MRPL39: variants seen among roughly 807,000 people sequenced by gnomAD.
MRPL39 encodes mitochondrial ribosomal protein L39, also known as large ribosomal subunit protein mL39.
MRPL39 carries 35 observed loss-of-function variants against 44.5 expected under a neutral mutation model. The ratio of observed to expected loss-of-function variants is 0.79; its 90% confidence interval spans 0.60 to 1.04. MRPL39 has a LOEUF of 1.04. MRPL39 is among the 50% of genes least tolerant of loss of function. MRPL39 has a pLI of 0.00. For missense variants in MRPL39, 433 were observed against 413.5 expected (o/e 1.05, Z -0.41); for synonymous variants, 139 against 136.1 (o/e 1.02, Z -0.15).
Position 25,603,786 on chromosome 21 carries a change from A to G in MRPL39, c.420+10T>C. On this transcript the variant is annotated intron_variant, in intron 3 of 9. Coordinates refer to ENST00000352957, the MANE Select transcript of MRPL39 (RefSeq NM_017446.4). ...GGGGAAATAGAAAAAGAATGTAGAGATAGAAATACCTTATTCACTTCTCCT... is the reference window on the plus strand; with the variant it reads ...GGGGAAATAGAAAAAGAATGTAGAGGTAGAAATACCTTATTCACTTCTCCT... The G allele has an allele frequency of 6.3e-7, 1 of 1,595,546 alleles. No homozygotes were observed. The highest frequency in any genetic ancestry group is 1.1e-5 in the South Asian group (1 of 88,412).
chr21:25,588,342 C>A (rs953769039), intron 9 of MRPL39, among the ~76,000 whole-genome samples: 1 of 151,982 alleles, frequency 6.6e-6, no homozygotes, highest in Non-Finnish European at 1.5e-5. Flanking sequence ...TACTATCATT[C>A]CTACTCATTA....
chr21:25,602,656 C>T (rs1302589059), intron 3 of MRPL39, among the ~76,000 whole-genome samples: 1 of 152,186 alleles, frequency 6.6e-6, no homozygotes, highest in Non-Finnish European at 1.5e-5. Context: ...TATCTAGAGA[C>T]TAGCCAAGTT....
chr21:25,587,691 T>C (rs777241969), intron 9 of MRPL39: 135 of 1,573,742 alleles, frequency 8.6e-5, no homozygotes, highest in Non-Finnish European at 1.1e-4. Flanking sequence ...AATTATTTGT[T>C]AGAGATTACT....
At chr21:25,594,242 CTTTGTTCTT>C (rs2031276676) in intron 6 of MRPL39, among the ~76,000 whole-genome samples, 2 of 39,498 alleles carry the variant, frequency 5.1e-5, no homozygotes, top group Non-Finnish European at 1.2e-4. Context: ...ATTTTTATTT[CTTTGTTCTT>C]TTTTTTTTTT....
chr21:25,607,539 G>A, upstream of MRPL39: 1 of 1,541,382 alleles, frequency 6.5e-7, no homozygotes, highest in Non-Finnish European at 8.8e-7. Flanking sequence ...AACCGAACGC[G>A]CACTCGGAGT....
At position 25,607,437 on chromosome 21, in the gene MRPL39, G is replaced by A; in HGVS notation, c.39C>T (p.Leu13=). The change falls in exon 1 of 10, where the codon CTC becomes CTT. Residue 13 remains leucine, a synonymous_variant. Transcript: ENST00000352957. ...ALAMGSRALR[L]WLVAPGGGIK... is the part of the protein sequence containing the mutation. ...TCCCGCCACCGGGTGCGACCAGCCA[G>A]AGCCGCAGCGCCCGGGAACCCATGG... 3 of 1,613,318 alleles carry A rather than the reference G, an allele frequency of 1.9e-6. No individual in the cohort carries two copies. The highest frequency in any genetic ancestry group is 1.7e-6 in the Non-Finnish European group (2 of 1,179,970).
intron 9 of MRPL39, among the ~76,000 whole-genome samples, chr21:25,586,383 C>T (rs555567591): frequency 6.6e-6 from 1 of 152,324 alleles, no homozygotes; most frequent in African/African-American, 2.4e-5. Flanking sequence ...GTCATTCTCC[C>T]TATCGCGGCT....
chr21:25,590,368 G>A (rs2031136158), intron 8 of MRPL39, among the ~76,000 whole-genome samples: 3 of 148,478 alleles, frequency 2.0e-5, no homozygotes, highest in African/African-American at 7.5e-5. Context: ...TAACGCTAAT[G>A]ACAGCTAATG....
chr21:25,601,918 C>T (rs142639487), intron 3 of MRPL39, among the ~76,000 whole-genome samples: 1 of 152,278 alleles, frequency 6.6e-6, no homozygotes, highest in Middle Eastern at 3.4e-3. Flanking sequence ...CCTAACACAT[C>T]GTTCAGATTA....
At chr21:25,607,820 G>T (rs1322845548), upstream of MRPL39, among the ~76,000 whole-genome samples, 1 of 150,544 alleles carries the variant, frequency 6.6e-6, no homozygotes, top group Non-Finnish European at 1.5e-5. Flanking sequence ...GTTCGATCCC[G>T]GCCACCCAGG....
intron 5 of MRPL39, 101 bp from the exon 6 acceptor site, chr21:25,597,515 C>A (rs2031397274): frequency 1.7e-6 from 1 of 583,366 alleles, no homozygotes; most frequent in Non-Finnish European, 2.9e-6. Flanking sequence ...GCAAATCCAA[C>A]TAAAATAAAA....
chr21:25,594,076 G>A, intron 6 of MRPL39, 118 bp from the exon 7 acceptor site: 1 of 799,192 alleles, frequency 1.3e-6, no homozygotes. Flanking sequence ...GTTACACTTG[G>A]AACCTCCCTT....
At chr21:25,591,461 C>A (rs780458656) in intron 8 of MRPL39, among the ~76,000 whole-genome samples, 37 of 152,112 alleles carry the variant, frequency 2.4e-4, no homozygotes, top group Admixed American at 5.2e-4. Flanking sequence ...AAAGAACTCT[C>A]AAAACTCAAC....
chr21:25,587,591 C>T (rs991644772), intron 9 of MRPL39: 1 of 925,550 alleles, frequency 1.1e-6, no homozygotes, highest in Non-Finnish European at 1.7e-6. Flanking sequence ...TCCTGAAAGG[C>T]TTAACAGACA....
At position 25,592,847 on chromosome 21, in the gene MRPL39, T is replaced by C. The variant is rs1206402087; in HGVS notation, c.886A>G (p.Arg296Gly). The C allele has an allele frequency of 1.9e-6, 3 of 1,612,386 alleles. No homozygotes were observed. The highest frequency in any genetic ancestry group is 1.7e-6 in the Non-Finnish European group (2 of 1,178,556). ...LQPTQPSLIRRFQGVSLPVHL... is the reference protein window; with the variant it reads ...LQPTQPSLIRGFQGVSLPVHL... ...ACAGGTAAAGACACGCCCTGGAATCTTCGTATGAGACTTGGCTGGGTGGGT... is the reference window on the plus strand; with the variant it reads ...ACAGGTAAAGACACGCCCTGGAATCCTCGTATGAGACTTGGCTGGGTGGGT... Residue 296 changes from arginine (R) to glycine (G), a missense_variant, in exon 8 of 10, where the codon AGA becomes GGA. By Grantham distance (125) the Arg-to-Gly change is moderately radical. Transcript: ENST00000352957.
intron 6 of MRPL39, among the ~76,000 whole-genome samples, chr21:25,596,725 G>A (rs574950084): frequency 5.4e-4 from 82 of 151,008 alleles, no homozygotes; most frequent in Non-Finnish European, 9.4e-4. Context: ...TTCTAATATT[G>A]TATTAGATTA....
Position 25,601,488 on chromosome 21 carries a change from T to C in MRPL39, c.421-21A>G, listed in dbSNP as rs113278185. 2.2e-5 allele frequency: 32 copies of C among 1,441,722 alleles called. 1 individual carries two copies. The highest frequency in any genetic ancestry group is 2.0e-4 in the African/African-American group (14 of 69,378). The allele number at this position is 1,441,722 out of a possible 1,614,324, so 89.3% of individuals were successfully genotyped here. On this transcript the variant is annotated intron_variant, in intron 3 of 9. Coordinates refer to ENST00000352957, the MANE Select transcript of MRPL39 (RefSeq NM_017446.4). ...TATGCCTAGAAAAAAAATATACATA[T>C]ATAAAATATATATAAACACACTGAG...
At chr21:25,595,090 C>A (rs1389979639) in intron 6 of MRPL39, among the ~76,000 whole-genome samples, 1 of 152,218 alleles carries the variant, frequency 6.6e-6, no homozygotes, top group African/African-American at 2.4e-5. Flanking sequence ...CAGGTTCAAA[C>A]CATGACTTTA....
chr21:25,601,633 G>A (rs2031528465), intron 3 of MRPL39, among the ~76,000 whole-genome samples, 166 bp from the exon 4 acceptor site: 2 of 152,124 alleles, frequency 1.3e-5, no homozygotes, highest in South Asian at 2.1e-4. Context: ...ACGTTACCTC[G>A]ACCAAGCAAA....
Sources: allele counts gnomAD v4.1 joint callset (sites outside exome capture counted in the v4.1 genomes callset), GRCh38; gene constraint gnomAD v4.1.1; transcripts MANE v1.5; gene names NCBI Gene and HGNC (gene_info 2026-07-23, HGNC 2026-07-21).